The following ARHGEF28 variants were observed in gnomAD, a reference collection of about 807,000 sequenced individuals.
The protein encoded by ARHGEF28 is Rho guanine nucleotide exchange factor 28.
ARHGEF28 carries 152 observed loss-of-function variants against 206.6 expected under a neutral mutation model. The observed-to-expected ratio is 0.74, with a 90% CI of 0.64 to 0.84. The LOEUF is 0.84. Ranked by LOEUF, ARHGEF28 falls within the 40% of genes least tolerant of loss-of-function variation. The probability of loss-of-function intolerance (pLI) is 0.00; values close to 1 mark genes in which losing one functional copy is unlikely to be tolerated. For synonymous variants in ARHGEF28, 763 were observed against 776.4 expected (o/e 0.98, Z 0.29); for missense variants, 2,028 against 2,073.2 (o/e 0.98, Z 0.42).
chr5:73,712,729 T>C (rs1289387251), intron 2 of ARHGEF28, among the ~76,000 whole-genome samples: 1 of 152,200 alleles, frequency 6.6e-6, no homozygotes, highest in Non-Finnish European at 1.5e-5. Flanking sequence ...CACAGAACAA[T>C]AGAAAAGTCC....
chr5:73,871,635 T>C (rs778725304), intron 21 of ARHGEF28, among the ~76,000 whole-genome samples: 3 of 152,194 alleles, frequency 2.0e-5, no homozygotes, highest in Non-Finnish European at 2.9e-5. Flanking sequence ...CAAAATTCAC[T>C]CCTTTACAAG....
Position 73,846,281 on chromosome 5 carries a change from G to T in ARHGEF28, c.1441G>T (p.Ala481Ser). The part of the protein sequence containing the change: ...HLKKRSSSLD[A>S]LDADSEGEGH... ...TTTGTGCTTTAGTTCTAGCCTTGATGCCTTGGACGCCGACAGTGAAGGGGA... is the reference window on the plus strand; with the variant it reads ...TTTGTGCTTTAGTTCTAGCCTTGATTCCTTGGACGCCGACAGTGAAGGGGA... The change falls in exon 12 of 36, where the codon GCC becomes TCC. Residue 481 changes from alanine to serine, a missense_variant. Physicochemically the swap from Ala to Ser is moderately conservative, Grantham distance 99. Coordinates refer to ENST00000513042, the MANE Select transcript of ARHGEF28 (RefSeq NM_001177693.2). 6.2e-7 allele frequency: 1 copy of T among 1,613,140 alleles called. No homozygotes were observed. The highest frequency in any genetic ancestry group is 8.5e-7 in the Non-Finnish European group (1 of 1,179,608).
chr5:73,831,809 A>C (rs1309841882), intron 9 of ARHGEF28, among the ~76,000 whole-genome samples: 7 of 152,160 alleles, frequency 4.6e-5, no homozygotes. Context: ...CTCCTTTGTC[A>C]GCCTCCTGAG....
chr5:73,874,442 G>C (rs1437247121), intron 22 of ARHGEF28, among the ~76,000 whole-genome samples: 1 of 150,778 alleles, frequency 6.6e-6, no homozygotes, highest in Non-Finnish European at 1.5e-5. Context: ...TTAAGTTTTA[G>C]GGTACATGTG....
chr5:73,873,365 G>GA, intron 22 of ARHGEF28, 119 bp downstream of exon 22: 1 of 1,303,116 alleles, frequency 7.7e-7, no homozygotes. Context: ...GTGACATTCT[G>GA]AGGATGTGTT....
At position 73,787,494 on chromosome 5, in the gene ARHGEF28, C is replaced by T. The variant is rs139316274; in HGVS notation, c.910+6749C>T. ...TGGTGGTTTGCTGCACCCCTCAACC[C>T]GTCATCTACATTAGGTATTTCTTCT... On this transcript the variant is annotated intron_variant, in intron 7 of 35. Transcript: ENST00000513042. Among the ~76,000 whole-genome samples, 126 of 152,266 alleles carry T rather than the reference C, an allele frequency of 8.3e-4. 1 individual carries two copies. The highest frequency in any genetic ancestry group is 6.0e-3 in the South Asian group (29 of 4,820).
chr5:73,632,620 T>A (rs1743439505), intron 1 of ARHGEF28, among the ~76,000 whole-genome samples: 1 of 152,232 alleles, frequency 6.6e-6, no homozygotes. Context: ...TTTAAAAAAA[T>A]TAATTATATA....
Position 73,885,908 on chromosome 5 carries a change from T to C in ARHGEF28, c.3114T>C (p.Ile1038=), listed in dbSNP as rs1302231772. 5.0e-6 allele frequency: 8 copies of C among 1,613,576 alleles called. No individual in the cohort carries two copies. Among genetic ancestry groups the C allele is most frequent in the Non-Finnish European group, 5.1e-6 (6 of 1,179,786 alleles). ...CGCTTTGCTTAATTAAAGACATGAT[T>C]GCAACAGTGGATTTAAAAGTCAATG... The part of the protein sequence containing the change: ...RKALCLIKDM[I]ATVDLKVNEY... Residue 1038 remains isoleucine, a synonymous_variant, in exon 25 of 36, where the codon ATT becomes ATC. Coordinates refer to ENST00000513042, the MANE Select transcript of ARHGEF28 (RefSeq NM_001177693.2).
chr5:73,810,708 T>C (rs930231169), intron 9 of ARHGEF28, among the ~76,000 whole-genome samples: 3 of 152,288 alleles, frequency 2.0e-5, no homozygotes, highest in Admixed American at 6.5e-5. Flanking sequence ...AATCTCATAA[T>C]CTGCATTTAA....
At chr5:73,692,328 C>T (rs1747884486) in intron 2 of ARHGEF28, among the ~76,000 whole-genome samples, 1 of 152,070 alleles carries the variant, frequency 6.6e-6, no homozygotes. Context: ...GCTGTGCAGA[C>T]ATGTTAATCA....
chr5:73,676,463 T>C (rs1056053892), intron 1 of ARHGEF28, among the ~76,000 whole-genome samples: 12 of 152,180 alleles, frequency 7.9e-5, no homozygotes, highest in African/African-American at 2.9e-4. Context: ...GGTCTCGAAC[T>C]CCTGACCTCA....
intron 2 of ARHGEF28, among the ~76,000 whole-genome samples, chr5:73,743,738 A>T (rs1426594852): frequency 6.6e-6 from 1 of 152,154 alleles, no homozygotes; most frequent in Non-Finnish European, 1.5e-5. Flanking sequence ...TGATAGACAG[A>T]CTCCCCAAAT....
In ARHGEF28 at chr5:73,865,976, G is replaced by A; in HGVS notation, c.2115G>A (p.Glu705=). The change falls in exon 18 of 36, where the codon GAG becomes GAA. Residue 705 remains glutamate, a synonymous_variant. Transcript: ENST00000513042. ...ATATTCTTTACCAGAAATTCCAAGA[G>A]AAATATAACAAGAACAAACCACAGA... The part of the protein sequence containing the change: ...AAPACTKKFQ[E]KYNKNKPQTI... The A allele has an allele frequency of 1.2e-6, 2 of 1,600,370 alleles. No individual in the cohort carries two copies. The highest frequency in any genetic ancestry group is 1.7e-6 in the Non-Finnish European group (2 of 1,171,452).
chr5:73,882,853 G>C (rs1358230040), intron 23 of ARHGEF28, among the ~76,000 whole-genome samples: 1 of 152,092 alleles, frequency 6.6e-6, no homozygotes, highest in Non-Finnish European at 1.5e-5. Flanking sequence ...ATACTGGGAA[G>C]CTGTTTCATG....
chr5:73,824,954 A>T (rs1214878918), intron 9 of ARHGEF28, among the ~76,000 whole-genome samples: 1 of 152,212 alleles, frequency 6.6e-6, no homozygotes, highest in Non-Finnish European at 1.5e-5. Flanking sequence ...AGGAGAGCCT[A>T]TCACAAGAAA....
Position 73,773,977 on chromosome 5 carries a change from G to A in ARHGEF28, c.598G>A (p.Ala200Thr), listed in dbSNP as rs780346764. The change falls in exon 5 of 36, where the codon GCC becomes ACC. Residue 200 changes from alanine (A) to threonine (T), a missense_variant. Ala to Thr is a moderately conservative substitution (Grantham distance 58, BLOSUM62 0). Around this residue, in one of 3 missense-constraint regions of ARHGEF28, gnomAD observed 1,002 missense variants for 1,015.3 expected, o/e 0.99. Coordinates refer to ENST00000513042, the MANE Select transcript of ARHGEF28 (RefSeq NM_001177693.2). The stretch of plus-strand genomic sequence containing the variant: ...CTTGGCTTTACCCAACGAAGAGGGT[G>A]CCACACCATTAGACTTAGCTTTACG... ...QALALPNEEG[A>T]TPLDLALREG... The A allele has an allele frequency of 1.2e-6, 2 of 1,606,930 alleles. No homozygotes were observed. Among genetic ancestry groups the A allele is most frequent in the Non-Finnish European group, 8.5e-7 (1 of 1,176,520 alleles).
intron 1 of ARHGEF28, among the ~76,000 whole-genome samples, chr5:73,629,220 G>C (rs559624124): frequency 6.6e-6 from 1 of 152,054 alleles, no homozygotes; most frequent in Non-Finnish European, 1.5e-5. Context: ...TGGCCAGGGT[G>C]GGGGTGGTGG....
At chr5:73,641,101 A>C (rs917538205) in intron 1 of ARHGEF28, among the ~76,000 whole-genome samples, 4 of 152,224 alleles carry the variant, frequency 2.6e-5, no homozygotes, top group African/African-American at 9.6e-5. Context: ...CATGGTCACA[A>C]AGACACTGTT....
chr5:73,751,590 A>C (rs1322273560), intron 3 of ARHGEF28, among the ~76,000 whole-genome samples: 1 of 151,960 alleles, frequency 6.6e-6, no homozygotes, highest in Non-Finnish European at 1.5e-5. Context: ...ATAATAACTA[A>C]AGTGCCACTC....
Sources: gnomAD v4.1 joint callset for allele counts (sites outside exome capture counted in the v4.1 genomes callset) on GRCh38, gnomAD v4.1.1 for gene constraint, gnomAD v4.1.1 regional missense constraint, MANE v1.5 for transcripts, NCBI Gene and HGNC (gene_info 2026-07-23, HGNC 2026-07-21) for gene names.